Variants in ABHD12 observed in about 807,000 individuals in gnomAD.
The protein encoded by ABHD12 is abhydrolase domain containing 12, lysophospholipase.
In ABHD12, 43 loss-of-function variants were observed where a neutral mutation model predicts 58.3. The ratio of observed to expected loss-of-function variants is 0.74; its 90% CI spans 0.58 to 0.95. ABHD12 has a LOEUF of 0.95. ABHD12 is among the 40% of genes least tolerant of loss of function. ABHD12 has a pLI of 0.00. For missense variants in ABHD12, 539 were observed against 537.2 expected, an observed-to-expected ratio of 1.00 and a Z score of -0.03; for synonymous variants, 219 against 211.2, an observed-to-expected ratio of 1.04 and a Z score of -0.32.
chr20:25,372,717 A>C (rs2146111570), intron 1 of ABHD12, among the ~76,000 whole-genome samples: 1 of 152,234 alleles, frequency 6.6e-6, no homozygotes, highest in East Asian at 1.9e-4. Context: ...ATTATAATAG[A>C]ACTAAAAAAT....
chr20:25,340,404 T>C (rs2089440105), intron 1 of ABHD12, among the ~76,000 whole-genome samples: 2 of 152,268 alleles, frequency 1.3e-5, no homozygotes, highest in African/African-American at 4.8e-5. Context: ...TATCTGCTTC[T>C]GCATGCAATC....
chr20:25,361,302 G>T (rs1286197686), intron 1 of ABHD12, among the ~76,000 whole-genome samples: 1 of 152,212 alleles, frequency 6.6e-6, no homozygotes, highest in African/African-American at 2.4e-5. Flanking sequence ...TTTCAATATT[G>T]TATGTTCTCA....
chr20:25,324,519 GAC>G (rs1441041596), intron 2 of ABHD12, among the ~76,000 whole-genome samples: 1 of 152,364 alleles, frequency 6.6e-6, no homozygotes, highest in East Asian at 1.9e-4. Context: ...AAGAGGCAAT[GAC>G]AGAGAGCAGT....
intron 4 of ABHD12, 78 bp downstream of exon 4, chr20:25,320,121 G>A (rs1217553582): frequency 1.8e-5 from 28 of 1,593,866 alleles, no homozygotes; most frequent in South Asian, 5.6e-5. Flanking sequence ...GCTGGTTTCC[G>A]GCAGACCGGG....
rs541811661 is a variant in ABHD12, at chr20:25,369,256, G to A, written c.191+21257C>T. On this transcript the variant is annotated intron_variant, in intron 1 of 12. Coordinates refer to ENST00000339157, the MANE Select transcript of ABHD12 (RefSeq NM_001042472.3). ...TATAAGTCATCTATCCGTCTTTAGA[G>A]AAATGTCTCTTCGAGTTCTAGGCCC... Among the ~76,000 whole-genome samples the A allele has an allele frequency of 6.6e-5, 10 of 152,280 alleles. No individual in the cohort carries two copies. In the South Asian group the frequency reaches 2.1e-3, roughly 32 times the overall value.
rs1426507467 is a variant in ABHD12 at position 25,320,419 on chromosome 20, C to T, written c.423-101G>A. The T allele has an allele frequency of 8.6e-6, 13 of 1,506,706 alleles. No individual in the cohort carries two copies. The East Asian group carries it at 2.7e-4, about 31-fold the overall frequency. The allele number at this position is 1,506,706 out of a possible 1,614,324, so 93.3% of individuals were successfully genotyped here. A position where few individuals can be genotyped will look rare whatever the true frequency, so the allele number is the denominator to read the frequency against. ...ACTTAATCAGCTCAAGTCCAGACAG[C>T]AGGGAGCTGCAGACCCCATCTAACT... On this transcript the variant is annotated intron_variant, in intron 3 of 12. Transcript: ENST00000339157.
chr20:25,300,545 C>T lies in ABHD12; in HGVS notation c.*300G>A. The T allele has an allele frequency of 3.6e-6, 5 of 1,382,122 alleles. No homozygotes were observed. In the South Asian group the frequency reaches 7.5e-5, roughly 21 times the overall value. The allele number at this position is 1,382,122 out of a possible 1,614,324, so 85.6% of individuals were successfully genotyped here. On this transcript the variant is annotated 3_prime_UTR_variant, in exon 13 of 13. Transcript: ENST00000339157. ...CCCCCTGTCCAGCTCAGTGCAGCAT[C>T]AAGCAGGCAGTGATGGCTGCCTGCT... is the stretch of plus-strand genomic sequence containing the variant.
chr20:25,344,506 C>T (rs1337628851), intron 1 of ABHD12, among the ~76,000 whole-genome samples: 1 of 152,134 alleles, frequency 6.6e-6, no homozygotes, highest in African/African-American at 2.4e-5. Context: ...AAACGATAAA[C>T]TCTGATGAAA....
At position 25,300,230 on chromosome 20, in the gene ABHD12, T is replaced by G. The variant is rs1438543399; in HGVS notation, c.*615A>C. ...AGACAAAAGGACCACCACCACGATT[T>G]TATTCTTAAATAAAGCTCAGTCTAA... is the stretch of plus-strand genomic sequence containing the variant. On this transcript the variant is annotated 3_prime_UTR_variant, in exon 13 of 13. Coordinates refer to ENST00000339157, the MANE Select transcript of ABHD12 (RefSeq NM_001042472.3). 2.8e-5 allele frequency: 28 copies of G among 997,514 alleles called. No homozygotes were observed. The highest frequency in any genetic ancestry group is 3.1e-5 in the Non-Finnish European group (26 of 836,562). The allele number at this position is 997,514 out of a possible 1,614,324, so 61.8% of individuals were successfully genotyped here. A position where few individuals can be genotyped will look rare whatever the true frequency, so the allele number is the denominator to read the frequency against.
At chr20:25,373,737 A>C (rs1247116417) in intron 1 of ABHD12, among the ~76,000 whole-genome samples, 2 of 151,720 alleles carry the variant, frequency 1.3e-5, no homozygotes, top group African/African-American at 4.8e-5. Context: ...GCCTTGGTAT[A>C]CTGCTTCATG....
intron 1 of ABHD12, among the ~76,000 whole-genome samples, chr20:25,383,121 A>G (rs1225732666): frequency 3.9e-5 from 6 of 152,208 alleles, no homozygotes; most frequent in African/African-American, 1.4e-4. Flanking sequence ...AGATGAAGAG[A>G]TACCATACAG....
At chr20:25,330,922 G>A (rs2089262398) in intron 2 of ABHD12, among the ~76,000 whole-genome samples, 1 of 152,218 alleles carries the variant, frequency 6.6e-6, no homozygotes, top group South Asian at 2.1e-4. Flanking sequence ...CTCCTCCAAA[G>A]GAACGCAGTT....
At chr20:25,297,921 TG>T (rs1318919138), downstream of ABHD12, 1 of 152,304 alleles carries the variant, frequency 6.6e-6, no homozygotes, top group Non-Finnish European at 1.5e-5. Flanking sequence ...AGTTGGCCAC[TG>T]GGGCCACCAC....
At position 25,339,829 on chromosome 20, in the gene ABHD12, C is replaced by T. The variant is rs997004340; in HGVS notation, c.192-478G>A. On this transcript the variant is annotated intron_variant, in intron 1 of 12. Transcript: ENST00000339157. ...AAGGACATCAACAGAACCTGCCTGA[C>T]CAGGTCCTCAGAGAGCAGGAGGCTA... 4.4e-6 allele frequency: 5 copies of T among 1,146,102 alleles called. No individual in the cohort carries two copies. In the African/African-American group the frequency reaches 8.1e-5, roughly 19 times the overall value. 71.0% of individuals were successfully genotyped at this position (1,146,102 alleles called of 1,614,324 possible).
intron 5 of ABHD12, 98 bp from the exon 6 acceptor site, chr20:25,315,068 G>A: frequency 7.9e-7 from 1 of 1,258,752 alleles, no homozygotes; most frequent in South Asian, 1.2e-5. Flanking sequence ...TCTCTCCTCT[G>A]CCTTGTACGT....
chr20:25,370,940 C>T (rs1249273934), intron 1 of ABHD12, among the ~76,000 whole-genome samples: 4 of 151,932 alleles, frequency 2.6e-5, no homozygotes, highest in Non-Finnish European at 4.4e-5. Flanking sequence ...CTTCCTCAGC[C>T]TCCCAAAGTA....
rs527835291 is a variant in ABHD12 at position 25,382,684 on chromosome 20, T to G, written c.191+7829A>C. On this transcript the variant is annotated intron_variant, in intron 1 of 12. Coordinates refer to ENST00000339157, the MANE Select transcript of ABHD12 (RefSeq NM_001042472.3). ...GCTTCCTCCATGAAAGTGCCTCAGG[T>G]GCTTTCAGCCTGCCCAAAGATACCC... is the stretch of plus-strand genomic sequence containing the variant. 2.6e-5 allele frequency among the ~76,000 whole-genome samples: 4 copies of G among 152,148 alleles called. No homozygotes were observed. The East Asian group carries it at 7.7e-4, about 29-fold the overall frequency.
chr20:25,311,086 G>A, intron 6 of ABHD12, among the ~76,000 whole-genome samples: 1 of 152,178 alleles, frequency 6.6e-6, no homozygotes, highest in East Asian at 1.9e-4. Flanking sequence ...TCATCCTGAT[G>A]GAACTTTCTT....
intron 2 of ABHD12, among the ~76,000 whole-genome samples, chr20:25,338,361 C>A (rs1201464609): frequency 1.3e-5 from 2 of 152,220 alleles, no homozygotes; most frequent in Non-Finnish European, 2.9e-5. Context: ...GAGCCCCTGC[C>A]TCATCCTGTT....
Sources: allele counts gnomAD v4.1 joint callset (sites outside exome capture counted in the v4.1 genomes callset), GRCh38; gene constraint gnomAD v4.1.1; transcripts MANE v1.5; gene names NCBI Gene and HGNC (gene_info 2026-07-23, HGNC 2026-07-21).